TBCEL: variants seen among roughly 807,000 people sequenced by gnomAD.
TBCEL encodes tubulin folding cofactor E like.
Under a neutral mutation model 44.2 loss-of-function variants are expected in TBCEL, and 15 were observed. That is an observed-to-expected ratio of 0.34 (90% CI 0.23 to 0.52). TBCEL has a LOEUF of 0.52. Ranked by LOEUF, TBCEL falls within the 20% of genes least tolerant of loss-of-function variation. TBCEL has a pLI of 0.95. For synonymous variants in TBCEL, 171 were observed against 185.4 expected (o/e 0.92, Z 0.63); for missense variants, 319 against 506.3 (o/e 0.63, Z 3.55).
chr11:121,050,935 G>A (rs1446166574), intron 4 of TBCEL, among the ~76,000 whole-genome samples: 2 of 151,520 alleles, frequency 1.3e-5, no homozygotes, highest in African/African-American at 4.8e-5. Context: ...TCAATATACT[G>A]CCCTAGAAAC....
chr11:121,047,826 A>T, intron 4 of TBCEL, 159 bp downstream of exon 4: 1 of 921,076 alleles, frequency 1.1e-6, no homozygotes, highest in Non-Finnish European at 1.6e-6. Flanking sequence ...TTATATCAAG[A>T]TAAATAAGGC....
intron 8 of TBCEL, among the ~76,000 whole-genome samples, chr11:121,084,795 A>G (rs961261348): frequency 4.6e-5 from 7 of 152,050 alleles, no homozygotes; most frequent in African/African-American, 1.7e-4. Context: ...TTCATAACCT[A>G]GTTTCAGTTA....
chr11:121,029,776 C>CT (rs1166301176), intron 1 of TBCEL, among the ~76,000 whole-genome samples: 4 of 152,114 alleles, frequency 2.6e-5, no homozygotes, highest in African/African-American at 7.2e-5. Flanking sequence ...CAAAATTTTT[C>CT]TTCTCATTCT....
chr11:121,030,951 C>T (rs1945132320), intron 1 of TBCEL, among the ~76,000 whole-genome samples: 1 of 151,746 alleles, frequency 6.6e-6, no homozygotes, highest in Admixed American at 6.6e-5. Flanking sequence ...TTTTCAAAAG[C>T]CATTCATGTT....
intron 8 of TBCEL, among the ~76,000 whole-genome samples, chr11:121,083,742 G>GTTTTGT (rs1020882174): frequency 3.3e-5 from 5 of 152,000 alleles, no homozygotes; most frequent in African/African-American, 1.2e-4. Context: ...GAGTATTGGG[G>GTTTTGT]TTTTGTTTTT....
intron 4 of TBCEL, 118 bp downstream of exon 4, chr11:121,047,785 G>A (rs1945456094): frequency 1.6e-6 from 2 of 1,270,428 alleles, no homozygotes; most frequent in Non-Finnish European, 2.2e-6. Context: ...ATGACTTCTT[G>A]TTGTCTGTAT....
chr11:121,069,808 A>G (rs1014143454), intron 8 of TBCEL, among the ~76,000 whole-genome samples: 5 of 152,070 alleles, frequency 3.3e-5, no homozygotes, highest in Non-Finnish European at 7.4e-5. Flanking sequence ...AAAGTAGTTA[A>G]TAACTGGGAA....
chr11:121,059,707 T>C (rs1167683278), intron 7 of TBCEL, among the ~76,000 whole-genome samples: 2 of 151,998 alleles, frequency 1.3e-5, no homozygotes, highest in African/African-American at 4.8e-5. Context: ...TTAATGTAAG[T>C]TGGACAGTGC....
At chr11:121,030,367 T>C (rs909648637) in intron 1 of TBCEL, among the ~76,000 whole-genome samples, 6 of 152,118 alleles carry the variant, frequency 3.9e-5, no homozygotes, top group African/African-American at 9.7e-5. Context: ...GGGGAGCCAT[T>C]GGAGAGTGTA....
intron 1 of TBCEL, among the ~76,000 whole-genome samples, chr11:121,025,660 A>G (rs1027969439): frequency 1.3e-5 from 2 of 152,118 alleles, no homozygotes; most frequent in African/African-American, 2.4e-5. Context: ...TTTGGTGTCA[A>G]TCAGTGTCCT....
At position 121,060,226 on chromosome 11, in the gene TBCEL, A is replaced by C; in HGVS notation, c.956+141A>C. Reference sequence around the variant, plus strand: ...AATACGTTAAAAAAAAGGAAGAAACACAAGAGCAAACCTATTTTATCTCAT... The same window carrying C: ...AATACGTTAAAAAAAAGGAAGAAACCCAAGAGCAAACCTATTTTATCTCAT... On this transcript the variant is annotated intron_variant, in intron 8 of 8. Transcript: ENST00000683345. 3 of 615,184 alleles carry C rather than the reference A, an allele frequency of 4.9e-6. 1 individual carries two copies. In the Middle Eastern group the frequency reaches 7.8e-4, roughly 160 times the overall value. 38.1% of individuals were successfully genotyped at this position (615,184 alleles called of 1,614,324 possible). A position where few individuals can be genotyped will look rare whatever the true frequency, so the allele number is the denominator to read the frequency against.
At chr11:121,048,587 A>G (rs1332050600) in intron 4 of TBCEL, among the ~76,000 whole-genome samples, 2 of 151,678 alleles carry the variant, frequency 1.3e-5, no homozygotes, top group Non-Finnish European at 2.9e-5. Context: ...ATCCAGCTTT[A>G]TTCTGTTTCT....
intron 8 of TBCEL, among the ~76,000 whole-genome samples, chr11:121,086,168 C>T (rs1355022169): frequency 6.6e-6 from 1 of 152,098 alleles, no homozygotes; most frequent in African/African-American, 2.4e-5. Flanking sequence ...CTTTGTATTC[C>T]TTCCTTGATC....
rs779589116 is a variant in TBCEL at position 121,060,000 on chromosome 11, G to A, written c.871G>A (p.Val291Ile). ...LPSVSKLNGSVVTDGEREDSE... is the reference protein window; with the variant it reads ...LPSVSKLNGSIVTDGEREDSE... ...ATCAGTTTCCAAACTTAATGGCAGC[G>A]TTGTTACTGATGGTGAACGAGAAGA... The change falls in exon 8 of 9, where the codon GTT becomes ATT. Residue 291 changes from valine (V) to isoleucine (I), a missense_variant. Coordinates refer to ENST00000683345, the MANE Select transcript of TBCEL (RefSeq NM_001363644.2). 7.4e-6 allele frequency: 12 copies of A among 1,610,888 alleles called. No individual in the cohort carries two copies. The East Asian group carries it at 8.9e-5, about 12-fold the overall frequency.
chr11:121,043,842 TA>T (rs1326714939), intron 2 of TBCEL, among the ~76,000 whole-genome samples: 1 of 152,140 alleles, frequency 6.6e-6, no homozygotes, highest in African/African-American at 2.4e-5. Flanking sequence ...CATAAAATTT[TA>T]TATATCGTAA....
At chr11:121,053,318 G>GT (rs1233079100) in intron 4 of TBCEL, among the ~76,000 whole-genome samples, 7 of 151,828 alleles carry the variant, frequency 4.6e-5, no homozygotes, top group African/African-American at 1.7e-4. Flanking sequence ...TTACCATTAA[G>GT]TTCTGTTATG....
chr11:121,072,568 G>A (rs1945955199), intron 8 of TBCEL, among the ~76,000 whole-genome samples: 1 of 152,002 alleles, frequency 6.6e-6, no homozygotes, highest in Admixed American at 6.6e-5. Flanking sequence ...TATGCTTGAT[G>A]TCTATTTTTC....
rs1159677414 is a variant in TBCEL at position 121,090,240 on chromosome 11, A to G, written c.*3144A>G. The G allele has an allele frequency of 1.3e-5, 2 of 152,210 alleles. No individual in the cohort carries two copies. The highest frequency in any genetic ancestry group is 4.8e-5 in the African/African-American group (2 of 41,452). The allele number at this position is 152,210 out of a possible 1,614,324, so 9.4% of individuals were successfully genotyped here. ...AAGACAGGAAAATTCAGTTCTAACC[A>G]GATGTTCCAGCTATGTTACTCAACC... is the stretch of plus-strand genomic sequence containing the variant. On this transcript the variant is annotated 3_prime_UTR_variant, in exon 9 of 9. Coordinates refer to ENST00000683345, the MANE Select transcript of TBCEL (RefSeq NM_001363644.2).
chr11:121,050,640 A>G (rs1945513004), intron 4 of TBCEL, among the ~76,000 whole-genome samples: 1 of 151,742 alleles, frequency 6.6e-6, no homozygotes, highest in Non-Finnish European at 1.5e-5. Context: ...ATTTTATAAA[A>G]GAAATTAAAC....
Sources: gnomAD v4.1 joint callset for allele counts (sites outside exome capture counted in the v4.1 genomes callset) on GRCh38, gnomAD v4.1.1 for gene constraint, MANE v1.5 for transcripts, NCBI Gene and HGNC (gene_info 2026-07-23, HGNC 2026-07-21) for gene names.